Variants in HERC3 observed in about 807,000 individuals in gnomAD.
HERC3 encodes probable E3 ubiquitin-protein ligase HERC3.
In HERC3, 58 loss-of-function variants were observed where a neutral mutation model predicts 129.9. That is an observed-to-expected ratio of 0.45 (90% CI 0.36 to 0.56). The LOEUF (loss-of-function observed/expected upper bound fraction) is 0.56, where lower values mean the gene tolerates loss of function less well. Among genes scored for constraint, HERC3 ranks in the 20% least tolerant of loss-of-function variants. HERC3 has a pLI of 0.00. For missense variants in HERC3, 835 were observed against 1,244.2 expected, an observed-to-expected ratio of 0.67 and a Z score of 4.95; for synonymous variants, 430 against 451.0, an observed-to-expected ratio of 0.95 and a Z score of 0.59.
At chr4:88,550,173 C>A in the HERC3 span, among the ~76,000 whole-genome samples, 1 of 152,162 alleles carries the variant, frequency 6.6e-6, no homozygotes. Flanking sequence ...GCCTGCCTAG[C>A]AGAAACCCCA....
intron 19 of HERC3, among the ~76,000 whole-genome samples, chr4:88,679,319 C>T (rs1338321419): frequency 6.6e-6 from 1 of 152,168 alleles, no homozygotes; most frequent in Non-Finnish European, 1.5e-5. Context: ...ACCCTCTTCT[C>T]TTCTACATGC....
At chr4:88,662,340 A>G (rs1258519965) in intron 10 of HERC3, 91 bp from the exon 11 acceptor site, 2 of 1,298,494 alleles carry the variant, frequency 1.5e-6, no homozygotes, top group East Asian at 4.7e-5. Flanking sequence ...CATAAGTGAA[A>G]CGTAAAATGG....
intron 3 of HERC3, among the ~76,000 whole-genome samples, chr4:88,624,269 T>G (rs1046750628): frequency 1.3e-5 from 2 of 152,228 alleles, no homozygotes; most frequent in Non-Finnish European, 2.9e-5. Flanking sequence ...TTTTCATTTT[T>G]CATGAATAAA....
intron 3 of HERC3, among the ~76,000 whole-genome samples, chr4:88,634,899 G>T (rs182424440): frequency 2.6e-5 from 4 of 152,202 alleles, no homozygotes; most frequent in African/African-American, 7.2e-5. Context: ...CCAGCAAACC[G>T]CAGCAGCTCT....
intron 2 of HERC3, among the ~76,000 whole-genome samples, chr4:88,601,667 A>G (rs1722978505): frequency 6.6e-6 from 1 of 152,230 alleles, no homozygotes; most frequent in African/African-American, 2.4e-5. Context: ...GAAGTCTGCA[A>G]TCTTGTCTTG....
the HERC3 span, among the ~76,000 whole-genome samples, chr4:88,558,366 C>T: frequency 2.0e-5 from 3 of 152,024 alleles, no homozygotes; most frequent in South Asian, 2.1e-4. Flanking sequence ...TGGATGGAGA[C>T]GGAGGCCATT....
At chr4:88,564,076 T>TCTATCTATCACATGGATTCTGTTG in the HERC3 span, among the ~76,000 whole-genome samples, 1 of 152,254 alleles carries the variant, frequency 6.6e-6, no homozygotes, top group Admixed American at 6.5e-5. Context: ...ATTCTGTTGA[T>TCTATCTATCACATGGATTCTGTTG]ATAATCTATC....
the HERC3 span, among the ~76,000 whole-genome samples, chr4:88,571,780 G>T: frequency 1.3e-5 from 2 of 152,102 alleles, no homozygotes; most frequent in Admixed American, 6.5e-5. Flanking sequence ...TTGTTTATAA[G>T]TATTTTGTCT....
chr4:88,639,928 C>G (rs565699987), intron 3 of HERC3, among the ~76,000 whole-genome samples: 2 of 151,826 alleles, frequency 1.3e-5, no homozygotes, highest in South Asian at 4.2e-4. Flanking sequence ...AGGATATGAA[C>G]AGACAATTCA....
the HERC3 span, among the ~76,000 whole-genome samples, chr4:88,586,007 G>A: frequency 6.6e-6 from 1 of 152,272 alleles, no homozygotes; most frequent in African/African-American, 2.4e-5. Context: ...GGGAAACTTG[G>A]CAAACTACAA....
At chr4:88,637,783 C>G (rs980360458) in intron 3 of HERC3, among the ~76,000 whole-genome samples, 16 of 151,962 alleles carry the variant, frequency 1.1e-4, no homozygotes, top group Non-Finnish European at 2.1e-4. Context: ...CATGAAAAAC[C>G]CTTCAAAAAA....
At chr4:88,667,268 T>A in intron 12 of HERC3, 109 bp from the exon 13 acceptor site, 1 of 509,174 alleles carries the variant, frequency 2.0e-6, no homozygotes, top group Non-Finnish European at 3.5e-6. Context: ...ATCTGCCAGA[T>A]CAAATTTAAA....
chr4:88,634,446 A>G lies in HERC3; in HGVS notation c.227-15394A>G, dbSNP rs560953975. ...GCAGCTTCAGGGCTTCCTTGCAGGA[A>G]CTCCGTCTCCAACTAGGGGCTAAGG... On this transcript the variant is annotated intron_variant, in intron 3 of 25. Transcript: ENST00000402738. Among the ~76,000 whole-genome samples, 12 of 151,926 alleles carry G rather than the reference A, an allele frequency of 7.9e-5. No individual in the cohort carries two copies. In the East Asian group the frequency reaches 2.1e-3, roughly 27 times the overall value.
upstream of HERC3, among the ~76,000 whole-genome samples, chr4:88,590,763 C>G (rs1300759847): frequency 6.6e-6 from 1 of 152,176 alleles, no homozygotes; most frequent in African/African-American, 2.4e-5. Context: ...CTTTTGCCAA[C>G]AGCATCTCTA....
chr4:88,574,570 A>T, the HERC3 span, among the ~76,000 whole-genome samples: 1 of 152,178 alleles, frequency 6.6e-6, no homozygotes, highest in African/African-American at 2.4e-5. Context: ...TGCTCATTAA[A>T]CAACCACTCT....
At chr4:88,549,430 C>G in the HERC3 span, among the ~76,000 whole-genome samples, 37 of 152,160 alleles carry the variant, frequency 2.4e-4, no homozygotes, top group African/African-American at 8.7e-4. Context: ...ACATAGTACC[C>G]AATAGGTAGT....
intron 23 of HERC3, among the ~76,000 whole-genome samples, chr4:88,691,745 G>A (rs7685019): frequency 0.083 from 12,696 of 152,256 alleles, 915 homozygotes; most frequent in South Asian, 0.28. Flanking sequence ...GTATGAAGTT[G>A]TAAAAGATTG....
chr4:88,616,132 T>C (rs1247007962), intron 3 of HERC3, among the ~76,000 whole-genome samples: 1 of 152,202 alleles, frequency 6.6e-6, no homozygotes, highest in Non-Finnish European at 1.5e-5. Context: ...GTTTATATTA[T>C]GTTCATTTTT....
At chr4:88,569,985 T>G in the HERC3 span, among the ~76,000 whole-genome samples, 1 of 152,352 alleles carries the variant, frequency 6.6e-6, no homozygotes, top group East Asian at 1.9e-4. Context: ...CAGTGCCCAC[T>G]TCCTCTTATT....
Sources: allele counts gnomAD v4.1 joint callset (sites outside exome capture counted in the v4.1 genomes callset), GRCh38; gene constraint gnomAD v4.1.1; transcripts MANE v1.5; gene names NCBI Gene and HGNC (gene_info 2026-07-23, HGNC 2026-07-21).